PTPRN2: variants seen among roughly 807,000 people sequenced by gnomAD.
PTPRN2 encodes the protein protein tyrosine phosphatase receptor type N2.
Under a neutral mutation model 118.8 loss-of-function variants are expected in PTPRN2, and 74 were observed. The observed-to-expected ratio is 0.62, with a 90% CI of 0.52 to 0.76. The LOEUF is 0.76. Among genes scored for constraint, PTPRN2 ranks in the 30% least tolerant of loss-of-function variants. The pLI, the probability that PTPRN2 is intolerant of heterozygous loss-of-function variation, is 0.00. For missense variants in PTPRN2, 1,481 were observed against 1,394.4 expected (o/e 1.06, Z -0.99); for synonymous variants, 641 against 608.0 (o/e 1.05, Z -0.80).
At chr7:157,708,716 C>G (rs760560159) in intron 12 of PTPRN2, among the ~76,000 whole-genome samples, 10 of 152,158 alleles carry the variant, frequency 6.6e-5, no homozygotes, top group African/African-American at 2.4e-4. Context: ...CACATGAAAA[C>G]GCAGCCGTGA....
At chr7:158,223,782 T>C (rs1157605473) in intron 3 of PTPRN2, among the ~76,000 whole-genome samples, 1 of 152,076 alleles carries the variant, frequency 6.6e-6, no homozygotes. Context: ...TCACCAATCT[T>C]ATTCAACATA....
intron 12 of PTPRN2, among the ~76,000 whole-genome samples, chr7:157,799,120 G>T (rs2151091203): frequency 6.6e-6 from 1 of 152,334 alleles, no homozygotes; most frequent in Non-Finnish European, 1.5e-5. Flanking sequence ...AGTGGTTGCA[G>T]CTGGGCCTGG....
rs1800503174 is a variant in PTPRN2, at chr7:157,583,571, C to T, written c.2497-5431G>A. Among the ~76,000 whole-genome samples the T allele has an allele frequency of 6.6e-6, 1 of 151,442 alleles. No individual in the cohort carries two copies. Among genetic ancestry groups the T allele is most frequent in the South Asian group, 2.1e-4 (1 of 4,822 alleles). ...GCGTGTGTCAGAACATCAGGCTGTA[C>T]ACCTTAAACATTTACAATTAAAAAC... is the stretch of plus-strand genomic sequence containing the variant. On this transcript the variant is annotated intron_variant, in intron 17 of 22. Transcript: ENST00000389418. This position sits in a 1 kb window ranked among gnomAD's most constrained non-coding sequence, Gnocchi z 5.5.
At chr7:157,826,563 T>G (rs370502376) in intron 12 of PTPRN2, among the ~76,000 whole-genome samples, 1 of 69,312 alleles carries the variant, frequency 1.4e-5, no homozygotes, top group African/African-American at 5.9e-5. Context: ...TGTGCAAAGA[T>G]GGCAGCACGA....
At chr7:158,086,993 G>A (rs1813470785) in intron 10 of PTPRN2, among the ~76,000 whole-genome samples, 2 of 152,172 alleles carry the variant, frequency 1.3e-5, no homozygotes, top group Admixed American at 6.5e-5. Context: ...CTTCCTCGCG[G>A]GGCGATTTTG....
intron 11 of PTPRN2, among the ~76,000 whole-genome samples, chr7:158,072,525 C>G (rs1328210154): frequency 6.6e-6 from 1 of 152,158 alleles, no homozygotes; most frequent in Non-Finnish European, 1.5e-5. Context: ...AATTGTTTCC[C>G]AAGTGCTGAA....
chr7:158,373,691 G>A (rs1810277437), intron 2 of PTPRN2, among the ~76,000 whole-genome samples: 1 of 152,222 alleles, frequency 6.6e-6, no homozygotes, highest in African/African-American at 2.4e-5. Context: ...CTGCAGTGCG[G>A]CCAGTTCCCA....
intron 2 of PTPRN2, among the ~76,000 whole-genome samples, chr7:158,335,140 A>G (rs1472475400): frequency 2.2e-4 from 4 of 18,090 alleles, no homozygotes; most frequent in African/African-American, 5.5e-4. Flanking sequence ...ACTCACACCC[A>G]CACTCTGACC....
rs530661204 is a variant in PTPRN2, at chr7:157,667,040, G to A, written c.2002-10489C>T. 5.8e-4 allele frequency among the ~76,000 whole-genome samples: 59 copies of A among 101,994 alleles called. 6 individuals carry two copies. The South Asian group carries it at 7.6e-3, about 13-fold the overall frequency. 66.9% of individuals were successfully genotyped at this position (101,994 alleles called of 152,430 possible). The stretch of plus-strand genomic sequence containing the variant: ...ACAGCCTGACTTGCACACTCGGCCC[G>A]TGGGACACTGATCTCAGGTGGGTGC... On this transcript the variant is annotated intron_variant, in intron 13 of 22. Coordinates refer to ENST00000389418, the MANE Select transcript of PTPRN2 (RefSeq NM_002847.5).
intron 11 of PTPRN2, among the ~76,000 whole-genome samples, chr7:158,060,546 C>T (rs1442175954): frequency 1.3e-5 from 2 of 152,230 alleles, no homozygotes; most frequent in Non-Finnish European, 2.9e-5. Context: ...TGGATTGGGA[C>T]CCACCCTCAT....
At chr7:158,476,201 C>T (rs1820245474) in intron 2 of PTPRN2, among the ~76,000 whole-genome samples, 1 of 152,216 alleles carries the variant, frequency 6.6e-6, no homozygotes, top group Non-Finnish European at 1.5e-5. Context: ...GAAGGGGTTT[C>T]ACCATGTTGC....
At chr7:157,931,023 C>A (rs1001254394) in intron 11 of PTPRN2, among the ~76,000 whole-genome samples, 1 of 152,182 alleles carries the variant, frequency 6.6e-6, no homozygotes, top group Non-Finnish European at 1.5e-5. Flanking sequence ...GGATCAGAGG[C>A]TCCCACAGAC....
chr7:158,259,646 G>A (rs377332161), intron 3 of PTPRN2, among the ~76,000 whole-genome samples: 1 of 152,250 alleles, frequency 6.6e-6, no homozygotes, highest in Non-Finnish European at 1.5e-5. Context: ...CAGCATGGCT[G>A]TGTCCATGTG....
chr7:158,240,266 AG>A (rs1325029147), intron 3 of PTPRN2, among the ~76,000 whole-genome samples: 4 of 152,168 alleles, frequency 2.6e-5, no homozygotes, highest in African/African-American at 9.7e-5. Context: ...AGAGAGAGAG[AG>A]AGAGAAAGCC....
At chr7:158,177,729 A>G (rs1824343684) in intron 5 of PTPRN2, among the ~76,000 whole-genome samples, 1 of 152,244 alleles carries the variant, frequency 6.6e-6, no homozygotes, top group Admixed American at 6.5e-5. Flanking sequence ...ATTACTGAGT[A>G]GCATTCCATT....
chr7:158,500,090 G>A (rs1234199832), intron 1 of PTPRN2, among the ~76,000 whole-genome samples: 2 of 150,348 alleles, frequency 1.3e-5, no homozygotes, highest in Non-Finnish European at 3.0e-5. Context: ...TGATGAGATA[G>A]GAAAGAATAT....
At chr7:158,136,102 G>A (rs1425957765) in intron 8 of PTPRN2, among the ~76,000 whole-genome samples, 11 of 152,226 alleles carry the variant, frequency 7.2e-5, no homozygotes, top group Middle Eastern at 3.2e-3. Flanking sequence ...ATGGTGGACC[G>A]TCCTCTTCCT....
chr7:157,628,675 G>A (rs1466055958), intron 14 of PTPRN2, among the ~76,000 whole-genome samples: 1 of 152,198 alleles, frequency 6.6e-6, no homozygotes, highest in African/African-American at 2.4e-5. Flanking sequence ...TTCCCAAGGA[G>A]GTTTTGAGGG....
chr7:157,575,715 CTG>C (rs1181364744), intron 19 of PTPRN2, among the ~76,000 whole-genome samples: 11 of 152,182 alleles, frequency 7.2e-5, no homozygotes, highest in African/African-American at 2.2e-4. Context: ...GAATGAGTAA[CTG>C]TTAAGAATCA....
Sources: allele counts gnomAD v4.1 joint callset (sites outside exome capture counted in the v4.1 genomes callset), GRCh38; gene constraint gnomAD v4.1.1; non-coding constraint Gnocchi (gnomAD v3.1); transcripts MANE v1.5; gene names NCBI Gene and HGNC (gene_info 2026-07-23, HGNC 2026-07-21).